Variants in ZNF521 observed in about 807,000 individuals in gnomAD.
ZNF521 encodes LYST-interacting protein 3.
A neutral mutation model predicts 105.5 loss-of-function variants in ZNF521; 14 were observed. That is an observed-to-expected ratio of 0.13 (90% confidence interval 0.09 to 0.21). The LOEUF (loss-of-function observed/expected upper bound fraction) is 0.21. ZNF521 is among the 10% of genes least tolerant of loss of function. ZNF521 has a pLI of 1.00. For synonymous variants in ZNF521, 635 were observed against 606.0 expected (o/e 1.05, Z -0.70); for missense variants, 1,233 against 1,629.7 (o/e 0.76, Z 4.19).
intron 7 of ZNF521, among the ~76,000 whole-genome samples, chr18:25,082,357 A>G (rs1020826691): frequency 3.9e-5 from 6 of 152,178 alleles, no homozygotes; most frequent in Admixed American, 2.0e-4. Context: ...CCATCCAGGA[A>G]GGGGTGGGAA....
chr18:25,191,926 T>C (rs1271470957), intron 5 of ZNF521, among the ~76,000 whole-genome samples: 3 of 152,024 alleles, frequency 2.0e-5, no homozygotes, highest in African/African-American at 7.3e-5. Flanking sequence ...GAAGGGTGAA[T>C]AGGAAATTAA....
chr18:25,215,429 T>G (rs935509431), intron 4 of ZNF521, among the ~76,000 whole-genome samples: 2 of 151,920 alleles, frequency 1.3e-5, no homozygotes, highest in African/African-American at 4.9e-5. Flanking sequence ...GAATATAGCT[T>G]TCACTTTTCT....
intron 2 of ZNF521, among the ~76,000 whole-genome samples, chr18:25,340,149 G>T (rs1022968026): frequency 1.1e-4 from 17 of 152,122 alleles, no homozygotes; most frequent in African/African-American, 4.1e-4. Flanking sequence ...GAGGTCAAGA[G>T]TTTGAGACCA....
chr18:25,086,120 C>G (rs1487265106), intron 7 of ZNF521, among the ~76,000 whole-genome samples: 1 of 151,950 alleles, frequency 6.6e-6, no homozygotes, highest in Admixed American at 6.6e-5. Flanking sequence ...TTTTGCACAC[C>G]AAGGCATGAA....
At chr18:25,193,156 A>T (rs1228587782) in intron 5 of ZNF521, among the ~76,000 whole-genome samples, 1 of 152,088 alleles carries the variant, frequency 6.6e-6, no homozygotes, top group Non-Finnish European at 1.5e-5. Flanking sequence ...TGATGCAAGG[A>T]ATATAAAATA....
intron 4 of ZNF521, among the ~76,000 whole-genome samples, chr18:25,216,174 A>C (rs1399126675): frequency 6.6e-6 from 1 of 152,182 alleles, no homozygotes; most frequent in Non-Finnish European, 1.5e-5. Context: ...TGATGAACAG[A>C]ACAATACAAA....
chr18:25,219,116 A>T (rs28456331), intron 4 of ZNF521, among the ~76,000 whole-genome samples: 12,714 of 152,250 alleles, frequency 0.084, 1,072 homozygotes, highest in African/African-American at 0.22. Context: ...TATTGTAAGA[A>T]TACAGTGTGT....
chr18:25,320,202 C>T (rs562256015), intron 3 of ZNF521, among the ~76,000 whole-genome samples: 237 of 152,008 alleles, frequency 1.6e-3, no homozygotes, highest in Non-Finnish European at 2.7e-3. Flanking sequence ...GACAGAGTTT[C>T]GTTCTTGTTG....
intron 3 of ZNF521, among the ~76,000 whole-genome samples, chr18:25,310,419 C>CA (rs1404780460): frequency 7.6e-5 from 10 of 131,514 alleles, no homozygotes; most frequent in East Asian, 6.7e-4. Context: ...AGATTTAAAA[C>CA]AAAAAACAGA....
At chr18:25,134,774 G>C (rs1333841283) in intron 5 of ZNF521, among the ~76,000 whole-genome samples, 1 of 152,072 alleles carries the variant, frequency 6.6e-6, no homozygotes, top group Non-Finnish European at 1.5e-5. Context: ...GGCACATTCT[G>C]ATGACATCCA....
chr18:25,197,652 G>T (rs1185864389), intron 4 of ZNF521, among the ~76,000 whole-genome samples: 7 of 151,722 alleles, frequency 4.6e-5, no homozygotes, highest in Non-Finnish European at 7.4e-5. Context: ...AATTATGAGA[G>T]AATTCTTCCT....
chr18:25,351,600 C>G (rs1914779099), intron 1 of ZNF521: 1 of 152,136 alleles, frequency 6.6e-6, no homozygotes, highest in African/African-American at 2.4e-5. Flanking sequence ...TCCCACCATC[C>G]GAGGCAGATG....
intron 3 of ZNF521, among the ~76,000 whole-genome samples, chr18:25,249,942 CTTTTA>C (rs1466635347): frequency 3.3e-5 from 5 of 152,060 alleles, no homozygotes; most frequent in Non-Finnish European, 5.9e-5. Context: ...AATAATTTTT[CTTTTA>C]TTTTGTTTTG....
At chr18:25,349,489 C>G (rs1020609831) in intron 2 of ZNF521, among the ~76,000 whole-genome samples, 3 of 152,232 alleles carry the variant, frequency 2.0e-5, no homozygotes, top group Non-Finnish European at 4.4e-5. Context: ...AGCAAGCGTT[C>G]CAATCTGCGA....
intron 4 of ZNF521, among the ~76,000 whole-genome samples, chr18:25,216,773 T>G (rs548245625): frequency 6.6e-6 from 1 of 152,176 alleles, no homozygotes; most frequent in African/African-American, 2.4e-5. Context: ...GCTAGGCTGG[T>G]CTCAAACTCC....
rs141656680 is a variant in ZNF521, at chr18:25,082,688, A to C, written c.3906+6777T>G. 1,334 of 416,294 alleles carry C rather than the reference A, an allele frequency of 3.2e-3. 20 individuals are homozygous for C. The highest frequency in any genetic ancestry group is 0.025 in the African/African-American group (1,225 of 48,630). The allele number at this position is 416,294 out of a possible 1,614,324, so 25.8% of individuals were successfully genotyped here. On this transcript the variant is annotated intron_variant, in intron 7 of 7. Transcript: ENST00000361524. ...CCATCTCTACTAAAATACACACACAAAAAATTAGCTGGGTGTGGCAGTGTG... is the reference window on the plus strand; with the variant it reads ...CCATCTCTACTAAAATACACACACACAAAATTAGCTGGGTGTGGCAGTGTG...
chr18:25,153,305 T>G (rs1169791423), intron 5 of ZNF521, among the ~76,000 whole-genome samples: 1 of 152,178 alleles, frequency 6.6e-6, no homozygotes, highest in Non-Finnish European at 1.5e-5. Flanking sequence ...AATTAAAAAT[T>G]TATTTCCTAC....
chr18:25,260,779 C>G (rs1033130335), intron 3 of ZNF521, among the ~76,000 whole-genome samples: 3 of 152,082 alleles, frequency 2.0e-5, no homozygotes, highest in African/African-American at 7.2e-5. Flanking sequence ...TCTCTTCAAT[C>G]TTCAAAATCC....
In ZNF521 at chr18:25,224,908, A is replaced by G. The variant is rs1322064977; in HGVS notation, c.3010T>C (p.Leu1004=). The change falls in exon 4 of 8, where the codon TTA becomes CTA. Residue 1004 remains leucine (L), a synonymous_variant. Coordinates refer to ENST00000361524, the MANE Select transcript of ZNF521 (RefSeq NM_015461.3). ...TCAGGGTGCATTTGGCAATGCTCTAAAAACTCCTCTTCACTCTGGAGAGGC... is the reference window on the plus strand; with the variant it reads ...TCAGGGTGCATTTGGCAATGCTCTAGAAACTCCTCTTCACTCTGGAGAGGC... The part of the protein sequence containing the change: ...KMPLQSEEEF[L]EHCQMHPDLR... 1 of 1,613,964 alleles carries G rather than the reference A, an allele frequency of 6.2e-7. No individual in the cohort carries two copies. The highest frequency in any genetic ancestry group is 2.2e-5 in the East Asian group (1 of 44,850).
Sources: gnomAD v4.1 joint callset for allele counts (sites outside exome capture counted in the v4.1 genomes callset) on GRCh38, gnomAD v4.1.1 for gene constraint, MANE v1.5 for transcripts, NCBI Gene and HGNC (gene_info 2026-07-23, HGNC 2026-07-21) for gene names.